The following PEAK1 variants were observed in gnomAD, a reference collection of about 807,000 sequenced individuals.
PEAK1 encodes inactive tyrosine-protein kinase PEAK1.
Under a neutral mutation model 124.7 loss-of-function variants are expected in PEAK1, and 54 were observed. The ratio of observed to expected loss-of-function variants is 0.43; its 90% CI spans 0.35 to 0.54. PEAK1 has a LOEUF of 0.54. Among genes scored for constraint, PEAK1 ranks in the 20% least tolerant of loss-of-function variants. The probability of loss-of-function intolerance (pLI) is 0.01; values close to 1 mark genes in which losing one functional copy is unlikely to be tolerated. For synonymous variants in PEAK1, 719 were observed against 760.0 expected, an observed-to-expected ratio of 0.95 and a Z score of 0.89; for missense variants, 2,046 against 2,134.5, an observed-to-expected ratio of 0.96 and a Z score of 0.82.
intron 2 of PEAK1, chr15:77,352,575 T>C (rs948495100): frequency 4.2e-6 from 4 of 943,818 alleles, no homozygotes; most frequent in Admixed American, 6.2e-5. Flanking sequence ...CATTTTTTAA[T>C]ATATATAAAA....
chr15:77,254,701 A>G (rs1181235885), intron 5 of PEAK1, among the ~76,000 whole-genome samples: 1 of 152,172 alleles, frequency 6.6e-6, no homozygotes, highest in Non-Finnish European at 1.5e-5. Context: ...TCAAAGTACT[A>G]GAATTACAGG....
At chr15:77,174,171 C>T (rs902340285) in intron 7 of PEAK1, among the ~76,000 whole-genome samples, 5 of 152,098 alleles carry the variant, frequency 3.3e-5, no homozygotes, top group Middle Eastern at 3.2e-3. Flanking sequence ...TTTATATTTC[C>T]TAAACAGTTA....
chr15:77,349,379 T>C, intron 2 of PEAK1: 1 of 983,856 alleles, frequency 1.0e-6, no homozygotes, highest in Non-Finnish European at 1.2e-6. Context: ...TACAAAGACA[T>C]AAATGTTTCC....
chr15:77,218,760 A>AT (rs532183396), intron 6 of PEAK1, among the ~76,000 whole-genome samples: 8 of 151,538 alleles, frequency 5.3e-5, no homozygotes, highest in Non-Finnish European at 1.2e-4. Context: ...ATTTTGCATT[A>AT]TTTTTTTTCC....
chr15:77,236,042 G>C (rs114233464), intron 6 of PEAK1, among the ~76,000 whole-genome samples: 3,284 of 152,330 alleles, frequency 0.022, 118 homozygotes, highest in African/African-American at 0.074. Flanking sequence ...GCAGAAGTTT[G>C]CTGCAGGGGC....
In PEAK1 at chr15:77,223,981, A is replaced by G. The variant is rs551309785; in HGVS notation, c.-115+28386T>C. On this transcript the variant is annotated intron_variant, in intron 6 of 9. Coordinates refer to ENST00000682557, the MANE Select transcript of PEAK1 (RefSeq NM_001385026.1). ...GAACAACAATGAAGACTGCTGTCAA[A>G]ATCTGTCCCTTTGGTTATATTTTAA... 8.6e-5 allele frequency among the ~76,000 whole-genome samples: 13 copies of G among 151,584 alleles called. 1 individual carries two copies. In the South Asian group the frequency reaches 2.5e-3, roughly 29 times the overall value.
intron 2 of PEAK1, among the ~76,000 whole-genome samples, chr15:77,313,298 C>G (rs2064595269): frequency 6.6e-6 from 1 of 151,872 alleles, no homozygotes; most frequent in Admixed American, 6.6e-5. Context: ...GGATTAAAAT[C>G]CAAAGTATAA....
Position 77,179,379 on chromosome 15 carries a change from G to A in PEAK1, c.2548C>T (p.Pro850Ser). ...AATTTGGAGGGAGAGGGGGTGACTG[G>A]CTTTATGGATGGGTCTTTCTGTACT... ...TKVQKDPSIK[P>S]VTPSPSKLVT... Residue 850 changes from proline to serine, a missense_variant, in exon 7 of 10, where the codon CCA becomes TCA. Pro to Ser is a moderately conservative substitution (Grantham distance 74). Transcript: ENST00000682557. 1 of 1,614,064 alleles carries A rather than the reference G, an allele frequency of 6.2e-7. No homozygotes were observed. Among genetic ancestry groups the A allele is most frequent in the East Asian group, 2.2e-5 (1 of 44,876 alleles).
intron 5 of PEAK1, among the ~76,000 whole-genome samples, chr15:77,278,928 G>A (rs550307437): frequency 6.7e-6 from 1 of 148,280 alleles, no homozygotes; most frequent in Non-Finnish European, 1.5e-5. Flanking sequence ...CGCCTCCTGG[G>A]TTCAAGCCAT....
Position 77,286,450 on chromosome 15 carries a change from A to G in PEAK1, c.-548T>C. 8.1e-7 allele frequency: 1 copy of G among 1,229,232 alleles called. No individual in the cohort carries two copies. Among genetic ancestry groups the G allele is most frequent in the Non-Finnish European group, 1.0e-6 (1 of 985,874 alleles). The allele number at this position is 1,229,232 out of a possible 1,614,324, so 76.1% of individuals were successfully genotyped here. A position where few individuals can be genotyped will look rare whatever the true frequency, so the allele number is the denominator to read the frequency against. On this transcript the variant is annotated 5_prime_UTR_variant, in exon 3 of 10. An upstream start codon of the reference 5' UTR is lost. Coordinates refer to ENST00000682557, the MANE Select transcript of PEAK1 (RefSeq NM_001385026.1). ...GGTTTAATTGGCTCCAACTCTGGGCATTATGTTGTTGCTTCCTTTTCTTTC... is the reference window on the plus strand; with the variant it reads ...GGTTTAATTGGCTCCAACTCTGGGCGTTATGTTGTTGCTTCCTTTTCTTTC...
intron 6 of PEAK1, among the ~76,000 whole-genome samples, chr15:77,219,267 A>G (rs547854726): frequency 5.1e-4 from 77 of 152,230 alleles, no homozygotes; most frequent in Non-Finnish European, 9.6e-4. Context: ...AGGATTGGAA[A>G]TGAGATGATT....
chr15:77,305,980 T>C (rs1023055346), intron 2 of PEAK1, among the ~76,000 whole-genome samples: 27 of 152,176 alleles, frequency 1.8e-4, no homozygotes, highest in East Asian at 1.3e-3. Context: ...GCAGAACCAA[T>C]TGTGGCTTTT....
chr15:77,138,067 C>T (rs2053481186), intron 8 of PEAK1, among the ~76,000 whole-genome samples: 1 of 152,178 alleles, frequency 6.6e-6, no homozygotes, highest in Non-Finnish European at 1.5e-5. Context: ...ACTTGCTCCT[C>T]CTTGCCTTCC....
At chr15:77,117,588 G>C (rs754509603) in intron 9 of PEAK1, among the ~76,000 whole-genome samples, 2 of 152,194 alleles carry the variant, frequency 1.3e-5, no homozygotes, top group Non-Finnish European at 2.9e-5. Flanking sequence ...ACCTGCCACA[G>C]CAGTGAGGCT....
chr15:77,133,269 C>T lies in PEAK1; in HGVS notation c.3813G>A (p.Pro1271=), dbSNP rs201213328. 6.0e-5 allele frequency: 97 copies of T among 1,614,146 alleles called. No homozygotes were observed. The Middle Eastern group carries it at 8.2e-4, about 14-fold the overall frequency. ...SCRQGRGIQK[P]QRQALYRGLE... The stretch of plus-strand genomic sequence containing the variant: ...GTCCTCGATAAAGTGCTTGTCTCTG[C>T]GGCTTCTGGATGCCTCGGCCCTGTC... The change falls in exon 9 of 10, where the codon CCG becomes CCA. Residue 1271 remains proline, a synonymous_variant. Coordinates refer to ENST00000682557, the MANE Select transcript of PEAK1 (RefSeq NM_001385026.1). This position sits in a 1 kb window ranked among gnomAD's most constrained non-coding sequence, Gnocchi z 4.2.
At chr15:77,134,032 G>T (rs2053110660) in intron 8 of PEAK1, among the ~76,000 whole-genome samples, 1 of 152,278 alleles carries the variant, frequency 6.6e-6, no homozygotes, top group African/African-American at 2.4e-5. Flanking sequence ...AAGGAAACCA[G>T]ATTCTCCAGT....
chr15:77,220,164 GAA>G (rs2059322281), intron 6 of PEAK1, among the ~76,000 whole-genome samples: 2 of 152,070 alleles, frequency 1.3e-5, no homozygotes, highest in African/African-American at 4.8e-5. Flanking sequence ...GCTCCTCAAT[GAA>G]AAGACTGTCA....
chr15:77,348,953 A>T (rs2067041462), intron 2 of PEAK1: 1 of 948,722 alleles, frequency 1.1e-6, no homozygotes, highest in South Asian at 4.9e-5. Context: ...ATGTCTCTTA[A>T]AATAGAGATT....
At chr15:77,407,996 T>A (rs1335635994) in intron 1 of PEAK1, among the ~76,000 whole-genome samples, 1 of 150,058 alleles carries the variant, frequency 6.7e-6, no homozygotes, top group Non-Finnish European at 1.5e-5. Flanking sequence ...TATATACACA[T>A]ACACACACGT....
Sources: allele counts gnomAD v4.1 joint callset (sites outside exome capture counted in the v4.1 genomes callset), GRCh38; gene constraint gnomAD v4.1.1; non-coding constraint Gnocchi (gnomAD v3.1); transcripts MANE v1.5; gene names NCBI Gene and HGNC (gene_info 2026-07-23, HGNC 2026-07-21).